Variants in RBFOX1 observed in about 807,000 individuals in gnomAD.
RBFOX1 encodes RNA binding fox-1 homolog 1.
Under a neutral mutation model 57.7 loss-of-function variants are expected in RBFOX1, and 8 were observed. That is an observed-to-expected ratio of 0.14 (90% CI 0.08 to 0.25). The LOEUF is 0.25. Ranked by LOEUF, RBFOX1 falls within the 10% of genes least tolerant of loss-of-function variation. RBFOX1 has a pLI of 1.00. For missense variants in RBFOX1, 611 were observed against 548.5 expected, an observed-to-expected ratio of 1.11 and a Z score of -1.14; for synonymous variants, 326 against 222.4, an observed-to-expected ratio of 1.47 and a Z score of -4.15.
chr16:5,698,242 C>A (rs1040147466), intron 3 of RBFOX1, among the ~76,000 whole-genome samples: 3 of 152,002 alleles, frequency 2.0e-5, no homozygotes, highest in African/African-American at 7.2e-5. Context: ...GGTAATACTA[C>A]CCCCAGTGAG....
intron 2 of RBFOX1, among the ~76,000 whole-genome samples, chr16:6,536,542 T>C (rs983534850): frequency 5.7e-5 from 8 of 139,972 alleles, no homozygotes; most frequent in African/African-American, 1.6e-4. Flanking sequence ...AAAAGGACGA[T>C]GGGGGGCCCA....
chr16:6,855,607 C>T (rs1421937832), intron 3 of RBFOX1, among the ~76,000 whole-genome samples: 2 of 149,084 alleles, frequency 1.3e-5, no homozygotes, highest in Admixed American at 6.7e-5. Flanking sequence ...GAGCCTGGAT[C>T]GCACCACTTC....
chr16:7,494,826 C>T (rs6500975), intron 4 of RBFOX1, among the ~76,000 whole-genome samples: 109,912 of 137,210 alleles, frequency 0.8, 42,934 homozygotes, highest in South Asian at 0.84. Flanking sequence ...AACTGTGTTA[C>T]CTACTTTTTT....
intron 2 of RBFOX1, among the ~76,000 whole-genome samples, chr16:6,593,214 A>C (rs1157692966): frequency 1.3e-5 from 2 of 152,038 alleles, no homozygotes; most frequent in Non-Finnish European, 2.9e-5. Flanking sequence ...TAAAAAAGAG[A>C]GTGGAGATCA....
At chr16:5,636,544 C>T (rs28671335) in intron 3 of RBFOX1, among the ~76,000 whole-genome samples, 2,310 of 103,592 alleles carry the variant, frequency 0.022, 62 homozygotes, top group African/African-American at 0.055. Flanking sequence ...GTGGCAAGGT[C>T]AGGGTTGTCA....
At position 7,514,646 on chromosome 16, in the gene RBFOX1, G is replaced by C. The variant is rs149310229; in HGVS notation, c.28-3501G>C. ...CGGACTGAAGGAAGAGTAAGGACTA[G>C]TTGGGCAAGGGGGTAGGTGAGGCTT... is the stretch of plus-strand genomic sequence containing the variant. On this transcript the variant is annotated intron_variant, in intron 4 of 15. Transcript: ENST00000550418. Among the ~76,000 whole-genome samples, 126 of 152,264 alleles carry C rather than the reference G, an allele frequency of 8.3e-4. 1 individual carries two copies. The highest frequency in any genetic ancestry group is 2.6e-3 in the African/African-American group (107 of 41,564).
At chr16:6,391,217 A>G (rs1596491132) in intron 2 of RBFOX1, among the ~76,000 whole-genome samples, 1 of 152,178 alleles carries the variant, frequency 6.6e-6, no homozygotes. Flanking sequence ...CCAATTAAGT[A>G]TCACGATTTG....
intron 1 of RBFOX1, among the ~76,000 whole-genome samples, chr16:6,198,650 A>T (rs551970687): frequency 1.8e-4 from 27 of 152,300 alleles, no homozygotes; most frequent in Non-Finnish European, 3.5e-4. Flanking sequence ...TGGCAGGTAG[A>T]GGGGTGGAAG....
At chr16:6,052,691 G>C (rs1282829720) in intron 1 of RBFOX1, among the ~76,000 whole-genome samples, 1 of 151,960 alleles carries the variant, frequency 6.6e-6, no homozygotes, top group Non-Finnish European at 1.5e-5. Context: ...GGCTGAGGCA[G>C]GAGAATGGCG....
In RBFOX1 at chr16:7,468,240, G is replaced by A. The variant is rs150887108; in HGVS notation, c.28-49907G>A. Among the ~76,000 whole-genome samples, 339 of 152,224 alleles carry A rather than the reference G, an allele frequency of 2.2e-3. 1 individual carries two copies. The highest frequency in any genetic ancestry group is 6.8e-3 in the Middle Eastern group (2 of 294). On this transcript the variant is annotated intron_variant, in intron 4 of 15. Transcript: ENST00000550418. ...TGAGCAAGCTCCTTTCTGCATACCC[G>A]CCCGACCTTTACCATTGGGAACACC...
chr16:6,339,506 A>G (rs1347596204), intron 2 of RBFOX1, among the ~76,000 whole-genome samples: 1 of 152,112 alleles, frequency 6.6e-6, no homozygotes, highest in Admixed American at 6.5e-5. Context: ...TTGATCAAAG[A>G]GGTCATCGTA....
chr16:6,597,583 G>C (rs962986493), intron 2 of RBFOX1, among the ~76,000 whole-genome samples: 13 of 152,140 alleles, frequency 8.5e-5, no homozygotes, highest in Admixed American at 7.9e-4. Flanking sequence ...TGAGGCAGGA[G>C]AATGGCGTGA....
intron 1 of RBFOX1, among the ~76,000 whole-genome samples, chr16:6,229,966 T>C (rs1001803610): frequency 1.3e-5 from 2 of 152,200 alleles, no homozygotes; most frequent in African/African-American, 2.4e-5. Context: ...ATGATTCTCC[T>C]TTTGTGCATT....
In RBFOX1 at chr16:6,137,497, G is replaced by A. The variant is rs113945532; in HGVS notation, c.-127+117505G>A. ...TTTTTTGTGTTTTTAGTAGACACGG[G>A]GTTTCACCATGTTGGTCAGGCTGGT... On this transcript the variant is annotated intron_variant, in intron 1 of 15. Transcript: ENST00000550418. Among the ~76,000 whole-genome samples the A allele has an allele frequency of 3.1e-3, 477 of 152,048 alleles. 4 individuals are homozygous for A. Among genetic ancestry groups the A allele is most frequent in the African/African-American group, 0.011 (457 of 41,462 alleles).
At chr16:6,838,918 A>G (rs1227585456) in intron 3 of RBFOX1, among the ~76,000 whole-genome samples, 2 of 151,554 alleles carry the variant, frequency 1.3e-5, no homozygotes. Context: ...ACCATTCAAG[A>G]CTGTGCACTG....
At chr16:5,369,902 C>G (rs1264789241) in intron 1 of RBFOX1, among the ~76,000 whole-genome samples, 3 of 152,038 alleles carry the variant, frequency 2.0e-5, no homozygotes, top group African/African-American at 7.2e-5. Context: ...TTTGCACCAA[C>G]CTATAGATGT....
chr16:6,126,277 C>G (rs1278140621), intron 1 of RBFOX1, among the ~76,000 whole-genome samples: 1 of 152,210 alleles, frequency 6.6e-6, no homozygotes, highest in Non-Finnish European at 1.5e-5. Context: ...GAACAGTGAC[C>G]TAACCTTCGC....
rs987339730 is a variant in RBFOX1 at position 6,734,551 on chromosome 16, G to A, written c.-16+79901G>A. 2.7e-5 allele frequency among the ~76,000 whole-genome samples: 4 copies of A among 147,472 alleles called. No individual in the cohort carries two copies. In the South Asian group the frequency reaches 7.0e-4, roughly 26 times the overall value. ...CCCAAAGTACAAATGGCCCAACTAG[G>A]AGTTCAGTCCATGTAATTAAGACTG... On this transcript the variant is annotated intron_variant, in intron 3 of 15. Transcript: ENST00000550418.
intron 4 of RBFOX1, among the ~76,000 whole-genome samples, chr16:7,221,862 G>C (rs2092755954): frequency 6.6e-6 from 1 of 152,170 alleles, no homozygotes. Context: ...AGGAGTTCCT[G>C]ATTTAACTTC....
Sources: gnomAD v4.1 joint callset for allele counts (sites outside exome capture counted in the v4.1 genomes callset) on GRCh38, gnomAD v4.1.1 for gene constraint, MANE v1.5 for transcripts, NCBI Gene and HGNC (gene_info 2026-07-23, HGNC 2026-07-21) for gene names.